The following UPP1 variants were observed in gnomAD, a reference collection of about 807,000 sequenced individuals.
UPP1 encodes UPase 1.
A neutral mutation model predicts 29.6 loss-of-function variants in UPP1; 25 were observed. That is an observed-to-expected ratio of 0.85 (90% CI 0.62 to 1.18). The LOEUF (loss-of-function observed/expected upper bound fraction) is 1.18, where lower values mean the gene tolerates loss of function less well. Among genes scored for constraint, UPP1 ranks in the 50% most tolerant of loss-of-function variants. The pLI, the probability that UPP1 is intolerant of heterozygous loss-of-function variation, is 0.00. For synonymous variants in UPP1, 165 were observed against 159.8 expected (o/e 1.03, Z -0.25); for missense variants, 368 against 410.4 (o/e 0.90, Z 0.89).
chr7:48,108,639 A>G lies in UPP1; in HGVS notation c.*282A>G. ...CTAGGGAAATTTTTCAGACTTTAAA[A>G]TTCTAATGGTAGTCAGATTTCATGT... On this transcript the variant is annotated 3_prime_UTR_variant, in exon 9 of 9. Coordinates refer to ENST00000395564, the MANE Select transcript of UPP1 (RefSeq NM_003364.4). 1 of 274,684 alleles carries G rather than the reference A, an allele frequency of 3.6e-6. No homozygotes were observed. Among genetic ancestry groups the G allele is most frequent in the Non-Finnish European group, 6.7e-6 (1 of 148,454 alleles). 17.0% of individuals were successfully genotyped at this position (274,684 alleles called of 1,614,324 possible).
intron 2 of UPP1, among the ~76,000 whole-genome samples, 172 bp from the exon 3 acceptor site, chr7:48,094,591 A>G (rs1792025854): frequency 1.3e-5 from 2 of 152,160 alleles, no homozygotes; most frequent in African/African-American, 4.8e-5. Flanking sequence ...ATAAACACAC[A>G]TACACACTCT....
intron 5 of UPP1, 134 bp from the exon 6 acceptor site, chr7:48,103,163 T>A: frequency 1.5e-6 from 1 of 652,216 alleles, no homozygotes; most frequent in East Asian, 2.9e-5. Context: ...TTCTTAAATT[T>A]ATATTTAAAA....
intron 1 of UPP1, 36 bp downstream of exon 1, chr7:48,089,454 C>T (rs2092605624): frequency 6.6e-6 from 1 of 152,390 alleles, no homozygotes; most frequent in Admixed American, 6.5e-5. Context: ...GCCGTTCTCT[C>T]TTCCCAGGGG....
At chr7:48,098,357 G>A (rs1366337225) in intron 3 of UPP1, among the ~76,000 whole-genome samples, 1 of 152,158 alleles carries the variant, frequency 6.6e-6, no homozygotes, top group Non-Finnish European at 1.5e-5. Context: ...GATAGAAATA[G>A]GGATTTGATA....
Position 48,108,558 on chromosome 7 carries a change from T to C in UPP1, c.*201T>C. Reference sequence around the variant, plus strand: ...AGTTTCATTGGAGCATTTTCAATGATGTTAGCCTGATTTGGGGTTTCTTCA... The same window carrying C: ...AGTTTCATTGGAGCATTTTCAATGACGTTAGCCTGATTTGGGGTTTCTTCA... On this transcript the variant is annotated 3_prime_UTR_variant, in exon 9 of 9. Coordinates refer to ENST00000395564, the MANE Select transcript of UPP1 (RefSeq NM_003364.4). 1.8e-6 allele frequency: 1 copy of C among 569,078 alleles called. No individual in the cohort carries two copies. Among genetic ancestry groups the C allele is most frequent in the Non-Finnish European group, 2.7e-6 (1 of 369,648 alleles). 35.3% of individuals were successfully genotyped at this position (569,078 alleles called of 1,614,324 possible). A position where few individuals can be genotyped will look rare whatever the true frequency, so the allele number is the denominator to read the frequency against.
chr7:48,094,278 G>A (rs1407978862), intron 2 of UPP1, among the ~76,000 whole-genome samples: 1 of 151,992 alleles, frequency 6.6e-6, no homozygotes, highest in African/African-American at 2.4e-5. Context: ...TTTTTGAGAC[G>A]GAGTGTCGCT....
In UPP1 at chr7:48,101,973, G is replaced by A; in HGVS notation, c.312G>A (p.Leu104=). Residue 104 remains leucine, a synonymous_variant, in exon 5 of 9, where the codon CTG becomes CTA. Transcript: ENST00000395564. ...RYAMYKVGPV[L]SVSHGMGIPS... ...CCATGTATAAAGTAGGACCGGTGCT[G>A]TCTGTCAGTGTGAGTACCTGCCTTC... The A allele has an allele frequency of 6.2e-7, 1 of 1,613,508 alleles. No homozygotes were observed. The highest frequency in any genetic ancestry group is 8.5e-7 in the Non-Finnish European group (1 of 1,179,650).
intron 3 of UPP1, among the ~76,000 whole-genome samples, chr7:48,096,471 C>T (rs977508172): frequency 6.6e-6 from 1 of 152,180 alleles, no homozygotes; most frequent in Admixed American, 6.5e-5. Context: ...ACACCCAGCA[C>T]AGGATGCTTG....
At position 48,103,401 on chromosome 7, in the gene UPP1, T is replaced by C. The variant is rs1562656400; in HGVS notation, c.426T>C (p.Ser142=). The change falls in exon 6 of 9, where the codon TCT becomes TCC. Residue 142 remains serine (S), a synonymous_variant. Transcript: ENST00000395564. ...TCACTATCATCCGCATTGGCACTTC[T>C]GGTGGGATAGGTAAGGTCTGCAGAG... The part of the protein sequence containing the change: ...SNVTIIRIGT[S]GGIGLEPGTV... 2 of 1,613,818 alleles carry C rather than the reference T, an allele frequency of 1.2e-6. No homozygotes were observed. The highest frequency in any genetic ancestry group is 3.3e-5 in the Admixed American group (2 of 60,010).
chr7:48,108,155 C>T (rs1289863138), intron 8 of UPP1, 63 bp from the exon 9 acceptor site: 9 of 1,573,832 alleles, frequency 5.7e-6, no homozygotes, highest in African/African-American at 5.4e-5. Flanking sequence ...GGTTCTTCAT[C>T]CCGTCCCTGT....
chr7:48,101,910 A>G lies in UPP1; in HGVS notation c.249A>G (p.Arg83=). The change falls in exon 5 of 9, where the codon AGA becomes AGG. Residue 83 remains arginine (R), a synonymous_variant. Coordinates refer to ENST00000395564, the MANE Select transcript of UPP1 (RefSeq NM_003364.4). ...GAELGLDCPG[R]DYPNICAGTD... ...AGCTGGGCCTTGACTGCCCAGGTAG[A>G]GACTATCCCAACATCTGTGCGGGAA... The G allele has an allele frequency of 3.1e-6, 5 of 1,614,050 alleles. No individual in the cohort carries two copies. Among genetic ancestry groups the G allele is most frequent in the Non-Finnish European group, 4.2e-6 (5 of 1,179,998 alleles).
chr7:48,094,685 C>T, intron 2 of UPP1, 78 bp from the exon 3 acceptor site: 1 of 1,291,348 alleles, frequency 7.7e-7, no homozygotes, highest in Non-Finnish European at 1.1e-6. Context: ...CACTGACTTT[C>T]TACATATTAG....
In UPP1 at chr7:48,107,455, C is replaced by A. The variant is rs562573351; in HGVS notation, c.741C>A (p.Ile247=). 16 of 1,614,158 alleles carry A rather than the reference C, an allele frequency of 9.9e-6. No homozygotes were observed. Among genetic ancestry groups the A allele is most frequent in the African/African-American group, 8.0e-5 (6 of 75,062 alleles). Residue 247 remains isoleucine, a synonymous_variant, in exon 8 of 9, where the codon ATC becomes ATA. Transcript: ENST00000395564. ...EAAYAAGVRN[I]EMESSVFAAM... ...CCTATGCAGCCGGCGTCCGCAATAT[C>A]GAGATGGAGTCCTCGGTGTTTGCCG...
intron 6 of UPP1, chr7:48,106,247 G>A (rs142818592): frequency 3.4e-4 from 53 of 155,134 alleles, no homozygotes; most frequent in Non-Finnish European, 6.6e-4. Flanking sequence ...GTGGGAAATC[G>A]CCGTGAATGG....
At position 48,108,452 on chromosome 7, in the gene UPP1, C is replaced by T. The variant is rs1318176521; in HGVS notation, c.*95C>T. The T allele has an allele frequency of 1.4e-6, 2 of 1,394,072 alleles. No homozygotes were observed. Among genetic ancestry groups the T allele is most frequent in the Non-Finnish European group, 1.9e-6 (2 of 1,037,820 alleles). The allele number at this position is 1,394,072 out of a possible 1,614,324, so 86.4% of individuals were successfully genotyped here. On this transcript the variant is annotated 3_prime_UTR_variant, in exon 9 of 9. Coordinates refer to ENST00000395564, the MANE Select transcript of UPP1 (RefSeq NM_003364.4). ...TTGTGTGGACTTTGAGCACACTTTA[C>T]ACAAGAATCTAGAAAATCAGATCGC...
intron 5 of UPP1, among the ~76,000 whole-genome samples, chr7:48,102,403 C>G (rs544846522): frequency 7.9e-5 from 12 of 152,282 alleles, no homozygotes; most frequent in African/African-American, 2.4e-4. Context: ...GCATGGTGAA[C>G]ACAGAAATCT....
rs74960298 is a variant in UPP1 at position 48,094,728 on chromosome 7, T to C, written c.-21-35T>C. ...CTGCACGATCTTGGTTTCTACTGAG[T>C]GGATTCACTCCATTCTGTGATTTTT... On this transcript the variant is annotated intron_variant, in intron 2 of 8. Coordinates refer to ENST00000395564, the MANE Select transcript of UPP1 (RefSeq NM_003364.4). 4.3e-3 allele frequency: 6,981 copies of C among 1,605,984 alleles called. 275 individuals carry two copies. The African/African-American group carries it at 0.083, about 19-fold the overall frequency.
chr7:48,102,067 C>T (rs1792459022), intron 5 of UPP1, 85 bp downstream of exon 5: 1 of 1,430,678 alleles, frequency 7.0e-7, no homozygotes, highest in African/African-American at 1.4e-5. Flanking sequence ...GACAGCTGGT[C>T]CCCTAACACC....
intron 2 of UPP1, among the ~76,000 whole-genome samples, chr7:48,093,529 A>C (rs1036217725): frequency 2.0e-5 from 3 of 152,182 alleles, no homozygotes; most frequent in Non-Finnish European, 4.4e-5. Flanking sequence ...TGGCCATTAC[A>C]GGGCATTTGG....
Sources: gnomAD v4.1 joint callset for allele counts (sites outside exome capture counted in the v4.1 genomes callset) on GRCh38, gnomAD v4.1.1 for gene constraint, MANE v1.5 for transcripts, NCBI Gene and HGNC (gene_info 2026-07-23, HGNC 2026-07-21) for gene names.